The following GRID2 variants were observed in gnomAD, a reference collection of about 807,000 sequenced individuals.
GRID2 encodes glutamate ionotropic receptor delta type subunit 2, also known as glutamate receptor ionotropic, delta-2.
GRID2 carries 33 observed loss-of-function variants against 114.8 expected under a neutral mutation model. That is an observed-to-expected ratio of 0.29 (90% confidence interval 0.22 to 0.38). The LOEUF is 0.38. Among genes scored for constraint, GRID2 ranks in the 10% least tolerant of loss-of-function variants. The probability of loss-of-function intolerance (pLI) is 1.00; values close to 1 mark genes in which losing one functional copy is unlikely to be tolerated. For synonymous variants in GRID2, 505 were observed against 449.9 expected (o/e 1.12, Z -1.55); for missense variants, 1,184 against 1,257.7 (o/e 0.94, Z 0.89).
intron 2 of GRID2, among the ~76,000 whole-genome samples, chr4:93,030,681 A>G (rs1462690052): frequency 6.6e-6 from 1 of 152,040 alleles, no homozygotes; most frequent in Admixed American, 6.6e-5. Flanking sequence ...CACCACGCCC[A>G]GCTAGAGCTG....
chr4:93,600,753 A>T (rs1038155044), intron 13 of GRID2, among the ~76,000 whole-genome samples: 2 of 152,160 alleles, frequency 1.3e-5, no homozygotes, highest in African/African-American at 4.8e-5. Context: ...TCCATAAAAG[A>T]CTCATATTGG....
intron 8 of GRID2, among the ~76,000 whole-genome samples, chr4:93,251,528 GT>G (rs1296126929): frequency 6.6e-6 from 1 of 152,146 alleles, no homozygotes; most frequent in African/African-American, 2.4e-5. Context: ...AAGTTCAGGA[GT>G]ACATGTGCAG....
intron 2 of GRID2, among the ~76,000 whole-genome samples, chr4:92,786,593 C>G (rs774748845): frequency 6.6e-6 from 1 of 151,704 alleles, no homozygotes; most frequent in Non-Finnish European, 1.5e-5. Context: ...GGGCAAGATG[C>G]AATGATAATA....
At chr4:92,766,536 C>CAAAA (rs34162997) in intron 2 of GRID2, among the ~76,000 whole-genome samples, 7 of 86,940 alleles carry the variant, frequency 8.1e-5, no homozygotes, top group South Asian at 3.9e-4. Context: ...GACTCCTTCT[C>CAAAA]AAAAAAAAAA....
At chr4:92,821,356 G>A (rs979348940) in intron 2 of GRID2, among the ~76,000 whole-genome samples, 1 of 152,100 alleles carries the variant, frequency 6.6e-6, no homozygotes, top group East Asian at 1.9e-4. Flanking sequence ...AACCTTATCT[G>A]TCATGCTTAA....
chr4:93,049,518 C>A (rs1194492762), intron 2 of GRID2, among the ~76,000 whole-genome samples: 2 of 151,594 alleles, frequency 1.3e-5, no homozygotes. Flanking sequence ...TATCCCCCCC[C>A]CAAAAAAATT....
chr4:93,664,080 A>G (rs1388652212), intron 14 of GRID2, among the ~76,000 whole-genome samples: 1 of 152,210 alleles, frequency 6.6e-6, no homozygotes, highest in Non-Finnish European at 1.5e-5. Flanking sequence ...CAGAAACCTG[A>G]ACAGGTGAAG....
chr4:92,814,800 CAG>C (rs1056422812), intron 2 of GRID2, among the ~76,000 whole-genome samples: 2 of 152,098 alleles, frequency 1.3e-5, no homozygotes, highest in African/African-American at 4.8e-5. Flanking sequence ...CCATCAGACA[CAG>C]TGTCTGGGTG....
At chr4:92,805,462 T>C (rs1394043112) in intron 2 of GRID2, among the ~76,000 whole-genome samples, 2 of 152,086 alleles carry the variant, frequency 1.3e-5, no homozygotes, top group Non-Finnish European at 2.9e-5. Flanking sequence ...TGAGAATTTA[T>C]GTAGCAAAAG....
chr4:92,995,244 T>C (rs1461317494), intron 2 of GRID2, among the ~76,000 whole-genome samples: 2 of 152,240 alleles, frequency 1.3e-5, no homozygotes, highest in East Asian at 1.9e-4. Flanking sequence ...TGGATACATC[T>C]CTCTTCTTTA....
chr4:93,359,819 A>G (rs990217614), intron 8 of GRID2, among the ~76,000 whole-genome samples: 11 of 131,184 alleles, frequency 8.4e-5, no homozygotes, highest in African/African-American at 3.1e-4. Flanking sequence ...GCCCAGAGTC[A>G]GTAATGGGAA....
chr4:92,503,502 T>A (rs1253771516), intron 1 of GRID2, among the ~76,000 whole-genome samples: 1 of 152,090 alleles, frequency 6.6e-6, no homozygotes, highest in Non-Finnish European at 1.5e-5. Context: ...GATGTCCCAA[T>A]ATTATTTGAA....
At chr4:92,722,018 G>C (rs1735830849) in intron 2 of GRID2, among the ~76,000 whole-genome samples, 1 of 152,124 alleles carries the variant, frequency 6.6e-6, no homozygotes, top group Non-Finnish European at 1.5e-5. Context: ...AAACCTGAGA[G>C]GACTCCCAGA....
chr4:93,016,492 GACAGTT>G (rs1404579365), intron 2 of GRID2, among the ~76,000 whole-genome samples: 6 of 152,154 alleles, frequency 3.9e-5, no homozygotes, highest in African/African-American at 1.4e-4. Context: ...CCATGAATTT[GACAGTT>G]AGTCTTTAGA....
intron 1 of GRID2, among the ~76,000 whole-genome samples, chr4:92,386,648 C>T (rs952562750): frequency 2.0e-5 from 3 of 151,522 alleles, no homozygotes; most frequent in African/African-American, 7.3e-5. Context: ...TTAAAACTCT[C>T]ATTTAGCAAT....
chr4:92,698,146 G>A (rs952068780), intron 2 of GRID2, among the ~76,000 whole-genome samples: 2 of 152,120 alleles, frequency 1.3e-5, no homozygotes, highest in Non-Finnish European at 2.9e-5. Flanking sequence ...TTGTCTTTCT[G>A]TCTAAATGCT....
At chr4:92,343,534 G>A (rs1446358629) in intron 1 of GRID2, among the ~76,000 whole-genome samples, 2 of 151,924 alleles carry the variant, frequency 1.3e-5, no homozygotes, top group African/African-American at 4.8e-5. Flanking sequence ...TATATAATGT[G>A]TTATATATAA....
intron 4 of GRID2, among the ~76,000 whole-genome samples, chr4:93,147,229 G>A (rs1218409743): frequency 1.3e-5 from 2 of 152,082 alleles, no homozygotes; most frequent in Non-Finnish European, 2.9e-5. Context: ...TGTTATCAGT[G>A]CAGCAGAGAG....
chr4:92,730,449 A>G (rs1182331120), intron 2 of GRID2, among the ~76,000 whole-genome samples: 2 of 151,968 alleles, frequency 1.3e-5, no homozygotes, highest in African/African-American at 4.8e-5. Context: ...CACTTAGATT[A>G]GGCACACAAA....
Sources: gnomAD v4.1 joint callset for allele counts (sites outside exome capture counted in the v4.1 genomes callset) on GRCh38, gnomAD v4.1.1 for gene constraint, MANE v1.5 for transcripts, NCBI Gene and HGNC (gene_info 2026-07-23, HGNC 2026-07-21) for gene names.